P3H1: variants seen among roughly 807,000 people sequenced by gnomAD.
P3H1 encodes prolyl 3-hydroxylase 1, also known as growth suppressor 1.
Under a neutral mutation model 84.0 loss-of-function variants are expected in P3H1, and 69 were observed. The observed-to-expected ratio is 0.82, with a 90% CI of 0.68 to 1.00. P3H1 has a LOEUF of 1.00. P3H1 is among the 50% of genes least tolerant of loss of function. P3H1 has a pLI of 0.00. For missense variants in P3H1, 878 were observed against 962.8 expected, an observed-to-expected ratio of 0.91 and a Z score of 1.17; for synonymous variants, 366 against 388.8, an observed-to-expected ratio of 0.94 and a Z score of 0.69.
chr1:42,764,279 G>T (rs546393825), intron 1 of P3H1, among the ~76,000 whole-genome samples: 1 of 151,670 alleles, frequency 6.6e-6, no homozygotes, highest in Non-Finnish European at 1.5e-5. Context: ...AAAATTAGCC[G>T]GATGTGATGG....
chr1:42,762,346 C>A lies in P3H1; in HGVS notation c.595G>T (p.Asp199Tyr). 6.2e-7 allele frequency: 1 copy of A among 1,614,076 alleles called. No homozygotes were observed. The highest frequency in any genetic ancestry group is 8.5e-7 in the Non-Finnish European group (1 of 1,180,006). ...ACCATATGGGGTTGAGTCTCAAGATCCTTGAAGTCGGCCTCCTTCACTCCA... is the reference window on the plus strand; with the variant it reads ...ACCATATGGGGTTGAGTCTCAAGATACTTGAAGTCGGCCTCCTTCACTCCA... ...MSGVKEADFK[D>Y]LETQPHMQEF... Residue 199 changes from aspartate to tyrosine, a missense_variant, in exon 2 of 15, where the codon GAT (aspartate) becomes TAT (tyrosine). Asp to Tyr is a radical substitution (Grantham distance 160). Transcript: ENST00000296388.
intron 5 of P3H1, 150 bp from the exon 6 acceptor site, chr1:42,755,787 A>C (rs1197172524): frequency 2.9e-6 from 2 of 691,222 alleles, no homozygotes. Context: ...CCCCAGTTTG[A>C]GACAAAAGTC....
At chr1:42,750,639 G>A (rs1488852719) in intron 10 of P3H1, among the ~76,000 whole-genome samples, 4 of 129,016 alleles carry the variant, frequency 3.1e-5, no homozygotes, top group East Asian at 2.1e-4. Context: ...CACCCCGTCC[G>A]GGAGGGAGGC....
Position 42,746,547 on chromosome 1 carries a change from G to A in P3H1, c.*150C>T. Reference sequence around the variant, plus strand: ...GGTCATGTCCACTCCAAGAGCAGTAGCACCATGTAGAAGGCTGTGAGCAGG... The same window carrying A: ...GGTCATGTCCACTCCAAGAGCAGTAACACCATGTAGAAGGCTGTGAGCAGG... On this transcript the variant is annotated 3_prime_UTR_variant, in exon 15 of 15. Transcript: ENST00000296388. 1.5e-6 allele frequency: 1 copy of A among 674,556 alleles called. No homozygotes were observed. Among genetic ancestry groups the A allele is most frequent in the Non-Finnish European group, 2.6e-6 (1 of 381,428 alleles). 41.8% of individuals were successfully genotyped at this position (674,556 alleles called of 1,614,324 possible).
Position 42,758,961 on chromosome 1 carries a change from G to C in P3H1, c.831C>G (p.Asn277Lys), listed in dbSNP as rs1557572976. The change falls in exon 4 of 15, where the codon AAC (asparagine) becomes AAG (lysine). Residue 277 changes from asparagine to lysine, a missense_variant. By Grantham distance (94) the Asn-to-Lys change is moderately conservative. Coordinates refer to ENST00000296388, the MANE Select transcript of P3H1 (RefSeq NM_022356.4). ...GCTCCGTGACACAGTTCTGCTTACAGTTGAGGACCTGGATGTAATGATCTG... is the reference window on the plus strand; with the variant it reads ...GCTCCGTGACACAGTTCTGCTTACACTTGAGGACCTGGATGTAATGATCTG... ...AITDHYIQVL[N>K]CKQNCVTELA... 6.2e-7 allele frequency: 1 copy of C among 1,614,194 alleles called. No homozygotes were observed. The highest frequency in any genetic ancestry group is 1.6e-4 in the Middle Eastern group (1 of 6,062).
At chr1:42,764,888 C>T (rs2816594) in intron 1 of P3H1, among the ~76,000 whole-genome samples, 47,124 of 151,918 alleles carry the variant, frequency 0.31, 7,771 homozygotes, top group East Asian at 0.65. Context: ...CTGCTCCTGC[C>T]TTTCTCTGTT....
intron 10 of P3H1, 138 bp downstream of exon 10, chr1:42,752,136 G>A: frequency 1.2e-5 from 9 of 758,098 alleles, no homozygotes; most frequent in East Asian, 2.5e-5. Context: ...ACTCATCCTC[G>A]CTTCCTGGCA....
At chr1:42,759,413 A>G in intron 2 of P3H1, 23 bp from the exon 3 acceptor site, 1 of 1,610,792 alleles carries the variant, frequency 6.2e-7, no homozygotes, top group African/African-American at 1.3e-5. Context: ...AGGAGCACTC[A>G]AATGCAGGCC....
At position 42,762,385 on chromosome 1, in the gene P3H1, A is replaced by T. The variant is rs1352627502; in HGVS notation, c.556T>A (p.Tyr186Asn). 6.2e-7 allele frequency: 1 copy of T among 1,614,130 alleles called. No individual in the cohort carries two copies. ...HMEMQQNLDYYQTMSGVKEAD... is the reference protein window; with the variant it reads ...HMEMQQNLDYNQTMSGVKEAD... The stretch of plus-strand genomic sequence containing the variant: ...TCCTTCACTCCAGACATGGTTTGGT[A>T]ATAGTCTAGGTTCTGCTGCATTTCC... Residue 186 changes from tyrosine (Y) to asparagine (N), a missense_variant, in exon 2 of 15, where the codon TAC (tyrosine) becomes AAC (asparagine). Transcript: ENST00000296388.
intron 2 of P3H1, chr1:42,761,672 G>C (rs1652726862): frequency 1.3e-5 from 2 of 152,500 alleles, no homozygotes. Flanking sequence ...GATCGCTTGA[G>C]GCCAGGAGTT....
Position 42,761,959 on chromosome 1 carries a change from A to G in P3H1, c.618+364T>C, listed in dbSNP as rs905619342. ...AATTAGATGAAAAAATTATATACGG[A>G]AGACTTAAAAAATAGGGCAAAATAT... On this transcript the variant is annotated intron_variant, in intron 2 of 14. Coordinates refer to ENST00000296388, the MANE Select transcript of P3H1 (RefSeq NM_022356.4). 1.7e-5 allele frequency: 4 copies of G among 241,294 alleles called. No individual in the cohort carries two copies. In the East Asian group the frequency reaches 4.5e-4, roughly 27 times the overall value. 14.9% of individuals were successfully genotyped at this position (241,294 alleles called of 1,614,324 possible).
At chr1:42,749,481 T>A (rs1651913789) in intron 11 of P3H1, among the ~76,000 whole-genome samples, 1 of 152,162 alleles carries the variant, frequency 6.6e-6, no homozygotes, top group Admixed American at 6.5e-5. Context: ...AGGAATAACC[T>A]CCAGGCCACT....
chr1:42,750,945 G>C (rs1256796116), intron 10 of P3H1, among the ~76,000 whole-genome samples: 1 of 129,246 alleles, frequency 7.7e-6, no homozygotes, highest in East Asian at 2.4e-4. Context: ...GGAGGGTGGT[G>C]GGGGGGTCAG....
chr1:42,750,769 G>A (rs1381030450), intron 10 of P3H1, among the ~76,000 whole-genome samples: 1 of 147,308 alleles, frequency 6.8e-6, no homozygotes, highest in East Asian at 2.0e-4. Context: ...CCCCTACTGG[G>A]AAGTGAGGAC....
intron 13 of P3H1, 63 bp downstream of exon 13, chr1:42,747,656 TTTGG>T: frequency 6.4e-7 from 1 of 1,569,010 alleles, no homozygotes; most frequent in South Asian, 1.1e-5. Flanking sequence ...TCCACTGCAC[TTTGG>T]GAACATCAGC....
In P3H1 at chr1:42,754,445, G is replaced by C. The variant is rs1267871474; in HGVS notation, c.1345+424C>G. ...CCGGGAGAAAACAGTTTGGGAGTGG[G>C]GAGACAGGATGAGTTAATACCTATG... On this transcript the variant is annotated intron_variant, in intron 8 of 14. Coordinates refer to ENST00000296388, the MANE Select transcript of P3H1 (RefSeq NM_022356.4). The surrounding 1 kb of genome is among the most constrained non-coding windows in gnomAD (Gnocchi z 4.0). Among the ~76,000 whole-genome samples, 1 of 152,138 alleles carries C rather than the reference G, an allele frequency of 6.6e-6. No individual in the cohort carries two copies. The highest frequency in any genetic ancestry group is 6.5e-5 in the Admixed American group (1 of 15,270).
intron 2 of P3H1, chr1:42,761,546 A>G (rs1367615069): frequency 6.6e-6 from 1 of 152,232 alleles, no homozygotes; most frequent in Non-Finnish European, 1.5e-5. Flanking sequence ...TTTTCAAATA[A>G]AACTGAAGAC....
chr1:42,752,793 T>G (rs571157196), intron 8 of P3H1, 129 bp from the exon 9 acceptor site: 1 of 1,171,188 alleles, frequency 8.5e-7, no homozygotes, highest in African/African-American at 1.5e-5. Flanking sequence ...AATCTCCCGC[T>G]AGGTCATTTT....
intron 7 of P3H1, 84 bp downstream of exon 7, chr1:42,755,081 A>C (rs376780089): frequency 1.4e-5 from 22 of 1,613,322 alleles, no homozygotes; most frequent in Non-Finnish European, 1.7e-5. Context: ...ACCCCTTGCC[A>C]GGAGTTCACA....
Sources: gnomAD v4.1 joint callset for allele counts (sites outside exome capture counted in the v4.1 genomes callset) on GRCh38, gnomAD v4.1.1 for gene constraint, Gnocchi (gnomAD v3.1) non-coding constraint, MANE v1.5 for transcripts, NCBI Gene and HGNC (gene_info 2026-07-23, HGNC 2026-07-21) for gene names.